The following ABCA5 variants were observed in gnomAD, a reference collection of about 807,000 sequenced individuals.
ABCA5 encodes cholesterol transporter ABCA5.
ABCA5 carries 163 observed loss-of-function variants against 206.0 expected under a neutral mutation model. The observed-to-expected ratio is 0.79, with a 90% CI of 0.70 to 0.90. The LOEUF (loss-of-function observed/expected upper bound fraction) is 0.90, where lower values mean the gene tolerates loss of function less well. Among genes scored for constraint, ABCA5 ranks in the 40% least tolerant of loss-of-function variants. The pLI is 0.00. For synonymous variants in ABCA5, 609 were observed against 613.8 expected, an observed-to-expected ratio of 0.99 and a Z score of 0.11; for missense variants, 1,859 against 1,912.9, an observed-to-expected ratio of 0.97 and a Z score of 0.53.
chr17:69,324,071 A>T (rs1373857002), intron 1 of ABCA5, among the ~76,000 whole-genome samples: 1 of 152,218 alleles, frequency 6.6e-6, no homozygotes, highest in Non-Finnish European at 1.5e-5. Context: ...TAAAATATTT[A>T]CTATCTGGCA....
intron 19 of ABCA5, among the ~76,000 whole-genome samples, chr17:69,276,401 T>A (rs2144949107): frequency 6.6e-6 from 1 of 152,286 alleles, no homozygotes; most frequent in Non-Finnish European, 1.5e-5. Context: ...TTTTAATTAT[T>A]TTTCTGAGTG....
intron 22 of ABCA5, among the ~76,000 whole-genome samples, chr17:69,269,794 T>A (rs1481805104): frequency 6.6e-6 from 1 of 152,160 alleles, no homozygotes; most frequent in Non-Finnish European, 1.5e-5. Flanking sequence ...AGCAGTATGC[T>A]AAGTACAAGA....
chr17:69,304,263 C>T (rs62080890), intron 7 of ABCA5: 2,009 of 152,748 alleles, frequency 0.013, 13 homozygotes, highest in Non-Finnish European at 0.017. Context: ...AAATGAATAT[C>T]AAGACTGCTA....
intron 8 of ABCA5, 137 bp downstream of exon 8, chr17:69,302,579 CTA>C: frequency 2.1e-6 from 1 of 477,940 alleles, no homozygotes; most frequent in Non-Finnish European, 3.4e-6. Context: ...AAAATATACT[CTA>C]GAAATCATTT....
chr17:69,263,627 G>A (rs1436944151), intron 24 of ABCA5, among the ~76,000 whole-genome samples: 1 of 149,904 alleles, frequency 6.7e-6, no homozygotes, highest in Non-Finnish European at 1.5e-5. Flanking sequence ...TTTGGTCACT[G>A]GAGCCTTTAT....
At chr17:69,298,279 G>GGAAA (rs1567774585) in intron 9 of ABCA5, among the ~76,000 whole-genome samples, 1 of 97,196 alleles carries the variant, frequency 1.0e-5, no homozygotes, top group Non-Finnish European at 2.0e-5. Context: ...AAGGAAGGAA[G>GGAAA]GAAGGGAGGG....
intron 14 of ABCA5, among the ~76,000 whole-genome samples, chr17:69,288,770 T>G (rs1421243228): frequency 6.6e-6 from 1 of 150,556 alleles, no homozygotes; most frequent in Admixed American, 6.6e-5. Context: ...CAGTCATAAC[T>G]AAAGTCTATT....
intron 1 of ABCA5, among the ~76,000 whole-genome samples, chr17:69,316,414 T>G (rs374657130): frequency 2.0e-5 from 3 of 150,854 alleles, no homozygotes; most frequent in African/African-American, 7.3e-5. Flanking sequence ...TTGAACCCAG[T>G]AGGAGGAGGT....
rs1482582183 is a variant in ABCA5, at chr17:69,306,912, T to C, written c.601A>G (p.Lys201Glu). 5.7e-6 allele frequency: 9 copies of C among 1,589,692 alleles called. No homozygotes were observed. The highest frequency in any genetic ancestry group is 3.4e-5 in the South Asian group (3 of 87,120). Residue 201 changes from lysine to glutamate, a missense_variant, in exon 6 of 39, where the codon AAA becomes GAA. Transcript: ENST00000392676. ...GCAGTTTCTCCCATAATAACAGCTT[T>C]AGTTGACTCCAGCTCCTTCCAAAGA... ...VSLWKELEST[K>E]AVIMGETAVV...
intron 1 of ABCA5, among the ~76,000 whole-genome samples, chr17:69,320,945 G>A (rs928865592): frequency 5.3e-5 from 8 of 152,120 alleles, no homozygotes; most frequent in Non-Finnish European, 7.3e-5. Flanking sequence ...ATTGTCTCTC[G>A]ACAATTGGTC....
Position 69,250,478 on chromosome 17 carries a change from T to C in ABCA5, c.4679A>G (p.Gln1560Arg). Residue 1560 changes from glutamine (Q) to arginine (R), a missense_variant, in exon 36 of 39, where the codon CAG becomes CGG. Transcript: ENST00000392676. The part of the protein sequence containing the change: ...IQYIFPNASR[Q>R]ESFSSILAYK... ...ACATTCTTTAAAATTTTACCTTTCC[T>C]GACGGCTTGCATTTGGGAAAATATA... 3 of 1,608,386 alleles carry C rather than the reference T, an allele frequency of 1.9e-6. No individual in the cohort carries two copies. The highest frequency in any genetic ancestry group is 2.5e-6 in the Non-Finnish European group (3 of 1,178,148).
At chr17:69,256,051 T>G in intron 29 of ABCA5, 106 bp downstream of exon 29, 1 of 1,387,212 alleles carries the variant, frequency 7.2e-7, no homozygotes, top group Non-Finnish European at 9.6e-7. Context: ...AAGATTTTTT[T>G]CAGATTGCTT....
intron 22 of ABCA5, among the ~76,000 whole-genome samples, chr17:69,269,321 A>G (rs1360212893): frequency 2.0e-5 from 3 of 152,226 alleles, no homozygotes; most frequent in Non-Finnish European, 4.4e-5. Context: ...CTGTGTCTTA[A>G]AAGTTTTACT....
At chr17:69,269,075 G>A (rs1177868467) in intron 22 of ABCA5, among the ~76,000 whole-genome samples, 2 of 152,230 alleles carry the variant, frequency 1.3e-5, no homozygotes, top group African/African-American at 4.8e-5. Context: ...GACTATATAT[G>A]AATAGTTAGC....
Position 69,286,023 on chromosome 17 carries a change from T to G in ABCA5, c.2147A>C (p.Lys716Thr), listed in dbSNP as rs184577046. ...AGAAAGAGATTCTGTGGCACAATATTTGTCTATGTACATGCTAGAGAATAC... is the reference window on the plus strand; with the variant it reads ...AGAAAGAGATTCTGTGGCACAATATGTGTCTATGTACATGCTAGAGAATAC... ...IGYRLSMYID[K>T]YCATESLSSL... The change falls in exon 17 of 39, where the codon AAA becomes ACA. Residue 716 changes from lysine to threonine, a missense_variant. By Grantham distance (78) the Lys-to-Thr change is moderately conservative (BLOSUM62 -1). Coordinates refer to ENST00000392676, the MANE Select transcript of ABCA5 (RefSeq NM_172232.4). 24 of 1,611,782 alleles carry G rather than the reference T, an allele frequency of 1.5e-5. No individual in the cohort carries two copies. The East Asian group carries it at 5.4e-4, about 36-fold the overall frequency.
At chr17:69,281,506 T>C (rs1239299753) in intron 18 of ABCA5, among the ~76,000 whole-genome samples, 2 of 152,154 alleles carry the variant, frequency 1.3e-5, no homozygotes, top group Non-Finnish European at 2.9e-5. Context: ...CATTTAAAAA[T>C]TTCAAAAGAA....
chr17:69,278,183 G>A (rs971652751), intron 18 of ABCA5, among the ~76,000 whole-genome samples: 3 of 152,048 alleles, frequency 2.0e-5, no homozygotes, highest in African/African-American at 4.8e-5. Context: ...ATAACAACAT[G>A]GCTGAACTTC....
intron 17 of ABCA5, chr17:69,285,458 TA>T (rs2075440813): frequency 6.6e-6 from 1 of 152,156 alleles, no homozygotes; most frequent in African/African-American, 2.4e-5. Context: ...AGTTCCTCAT[TA>T]AAAAATTAAA....
chr17:69,291,140 T>C (rs944679786), intron 12 of ABCA5, 76 bp downstream of exon 12: 9 of 916,032 alleles, frequency 9.8e-6, no homozygotes, highest in African/African-American at 5.1e-5. Context: ...GTTGGTCCCA[T>C]TGACAAAAAT....
Sources: gnomAD v4.1 joint callset for allele counts (sites outside exome capture counted in the v4.1 genomes callset) on GRCh38, gnomAD v4.1.1 for gene constraint, MANE v1.5 for transcripts, NCBI Gene and HGNC (gene_info 2026-07-23, HGNC 2026-07-21) for gene names.